FAM184A: variants seen among roughly 807,000 people sequenced by gnomAD.
The protein encoded by FAM184A is protein FAM184A.
A neutral mutation model predicts 143.8 loss-of-function variants in FAM184A; 99 were observed. The observed-to-expected ratio is 0.69, with a 90% CI of 0.58 to 0.81. The LOEUF (loss-of-function observed/expected upper bound fraction) is 0.81, where lower values mean the gene tolerates loss of function less well. FAM184A is among the 40% of genes least tolerant of loss of function. The probability of loss-of-function intolerance (pLI) is 0.00; values close to 1 mark genes in which losing one functional copy is unlikely to be tolerated. For synonymous variants in FAM184A, 427 were observed against 446.4 expected (o/e 0.96, Z 0.55); for missense variants, 1,217 against 1,310.5 (o/e 0.93, Z 1.10).
Position 119,041,371 on chromosome 6 carries a change from G to C in FAM184A, c.160-16558C>G, listed in dbSNP as rs192139714. 3.3e-3 allele frequency among the ~76,000 whole-genome samples: 496 copies of C among 152,278 alleles called. 5 individuals carry two copies. The highest frequency in any genetic ancestry group is 0.012 in the African/African-American group (481 of 41,552). On this transcript the variant is annotated intron_variant, in intron 1 of 17. Coordinates refer to ENST00000338891, the MANE Select transcript of FAM184A (RefSeq NM_024581.6). ...GGTGAGCGCATCCACCTTTAAACAC[G>C]GGGCTTGCAACTTAGCTCACACTCG...
At chr6:119,017,269 C>T (rs572346211) in intron 4 of FAM184A, among the ~76,000 whole-genome samples, 71 of 152,274 alleles carry the variant, frequency 4.7e-4, no homozygotes, top group African/African-American at 1.5e-3. Flanking sequence ...GAGGCCGAGG[C>T]GGGTGGATCA....
chr6:119,075,601 T>C (rs1787844821), intron 1 of FAM184A, among the ~76,000 whole-genome samples: 1 of 152,202 alleles, frequency 6.6e-6, no homozygotes, highest in Admixed American at 6.5e-5. Context: ...TACTGACTTC[T>C]TTCCAAAAGA....
chr6:118,979,883 A>AC (rs1339807533), intron 10 of FAM184A, among the ~76,000 whole-genome samples: 1 of 151,560 alleles, frequency 6.6e-6, no homozygotes, highest in Non-Finnish European at 1.5e-5. Context: ...TTTCTACAAA[A>AC]AAAAAAAAAT....
intron 10 of FAM184A, 55 bp downstream of exon 10, chr6:118,980,083 C>T: frequency 6.7e-7 from 1 of 1,497,266 alleles, no homozygotes; most frequent in Non-Finnish European, 9.2e-7. Context: ...AATTTGAAGA[C>T]TAATTATTAT....
At chr6:119,043,743 T>A (rs549154486) in intron 1 of FAM184A, among the ~76,000 whole-genome samples, 1 of 152,200 alleles carries the variant, frequency 6.6e-6, no homozygotes, top group Non-Finnish European at 1.5e-5. Flanking sequence ...TGGATGTAAA[T>A]GAAAACAAAA....
intron 1 of FAM184A, 142 bp from the exon 2 acceptor site, chr6:119,024,955 C>A: frequency 1.2e-6 from 1 of 812,250 alleles, no homozygotes; most frequent in Non-Finnish European, 1.9e-6. Flanking sequence ...AATCTTGATG[C>A]AATTGTTTTT....
chr6:119,011,210 G>T, intron 6 of FAM184A, 99 bp downstream of exon 6: 2 of 979,344 alleles, frequency 2.0e-6, no homozygotes, highest in South Asian at 1.6e-5. Flanking sequence ...TTCTAGATAT[G>T]TTACCTTTAC....
intron 1 of FAM184A, among the ~76,000 whole-genome samples, chr6:119,133,345 T>C (rs1582644116): frequency 6.6e-6 from 1 of 152,118 alleles, no homozygotes; most frequent in Non-Finnish European, 1.5e-5. Flanking sequence ...TTGTCACAGC[T>C]TAAGATCCCT....
intron 1 of FAM184A, among the ~76,000 whole-genome samples, chr6:119,069,479 T>C (rs148280245): frequency 1.2e-3 from 180 of 152,328 alleles, no homozygotes; most frequent in African/African-American, 4.1e-3. Flanking sequence ...TAGACACACA[T>C]TCGCCAGAAT....
intron 1 of FAM184A, among the ~76,000 whole-genome samples, chr6:119,129,147 C>T (rs1200115348): frequency 1.3e-5 from 2 of 152,174 alleles, no homozygotes; most frequent in Admixed American, 6.5e-5. Flanking sequence ...CTTTCCAGGT[C>T]GAACCAATGT....
chr6:118,971,160 G>A (rs774887878), intron 14 of FAM184A, among the ~76,000 whole-genome samples: 1 of 151,970 alleles, frequency 6.6e-6, no homozygotes, highest in African/African-American at 2.4e-5. Flanking sequence ...CATAAATTAC[G>A]CACAGACTCT....
At chr6:119,098,560 G>C (rs1205885975) in intron 1 of FAM184A, among the ~76,000 whole-genome samples, 6 of 152,204 alleles carry the variant, frequency 3.9e-5, no homozygotes, top group Admixed American at 3.3e-4. Context: ...GAGATATCTT[G>C]AAGTAGCGTG....
At chr6:119,043,773 T>C (rs1460357439) in intron 1 of FAM184A, among the ~76,000 whole-genome samples, 3 of 152,212 alleles carry the variant, frequency 2.0e-5, no homozygotes, top group African/African-American at 7.2e-5. Flanking sequence ...ACTTGTAGGA[T>C]GCAGCTCAAA....
intron 7 of FAM184A, among the ~76,000 whole-genome samples, 194 bp from the exon 8 acceptor site, chr6:119,003,816 A>G (rs1784841184): frequency 6.6e-6 from 1 of 152,210 alleles, no homozygotes. Context: ...TATATTTTAC[A>G]TGTTCTTGTC....
Position 119,020,157 on chromosome 6 carries a change from G to T in FAM184A, c.1153C>A (p.His385Asn). 1 of 1,534,360 alleles carries T rather than the reference G, an allele frequency of 6.5e-7. No individual in the cohort carries two copies. Among genetic ancestry groups the T allele is most frequent in the South Asian group, 1.3e-5 (1 of 77,590 alleles). ...QASDLVLKAS[H>N]IGMLQATQMT... ...TGAGTTGCTTGAAGCATTCCAATATGACCTATCCCCCAAAAAGAAAATCCC... is the reference window on the plus strand; with the variant it reads ...TGAGTTGCTTGAAGCATTCCAATATTACCTATCCCCCAAAAAGAAAATCCC... The change falls in exon 4 of 18, where the codon CAT (histidine) becomes AAT (asparagine). Residue 385 changes from histidine to asparagine, a missense_variant and splice_region_variant. Physicochemically the swap from His to Asn is moderately conservative, Grantham distance 68. Transcript: ENST00000338891.
At chr6:119,064,313 G>C (rs1437700372) in intron 1 of FAM184A, among the ~76,000 whole-genome samples, 1 of 152,160 alleles carries the variant, frequency 6.6e-6, no homozygotes. Context: ...GCAAAACTCA[G>C]GCTCTGGATT....
intron 12 of FAM184A, 150 bp from the exon 13 acceptor site, chr6:118,975,358 CA>C (rs1783814678): frequency 3.3e-6 from 2 of 611,064 alleles, no homozygotes; most frequent in Non-Finnish European, 2.8e-6. Context: ...GAGAAAACCT[CA>C]AGGCCTGTTC....
intron 1 of FAM184A, among the ~76,000 whole-genome samples, chr6:119,098,191 C>A (rs1788556644): frequency 6.6e-6 from 1 of 152,282 alleles, no homozygotes; most frequent in Non-Finnish European, 1.5e-5. Flanking sequence ...TAAGGGGAAA[C>A]CCCTTTTGCT....
At chr6:118,979,864 G>A (rs894135969) in intron 10 of FAM184A, among the ~76,000 whole-genome samples, 1 of 149,280 alleles carries the variant, frequency 6.7e-6, no homozygotes, top group South Asian at 2.2e-4. Context: ...GCAACATAGC[G>A]AGACCCTGTT....
Sources: gnomAD v4.1 joint callset for allele counts (sites outside exome capture counted in the v4.1 genomes callset) on GRCh38, gnomAD v4.1.1 for gene constraint, MANE v1.5 for transcripts, NCBI Gene and HGNC (gene_info 2026-07-23, HGNC 2026-07-21) for gene names.